Variants in USP7 observed in about 807,000 individuals in gnomAD.
USP7 encodes the protein ubiquitin specific peptidase 7.
A neutral mutation model predicts 162.9 loss-of-function variants in USP7; 9 were observed. The ratio of observed to expected loss-of-function variants is 0.06; its 90% CI spans 0.03 to 0.10. The LOEUF (loss-of-function observed/expected upper bound fraction) is 0.10. Among genes scored for constraint, USP7 ranks in the 10% least tolerant of loss-of-function variants. The pLI, the probability that USP7 is intolerant of heterozygous loss-of-function variation, is 1.00. For missense variants in USP7, 715 were observed against 1,373.7 expected (o/e 0.52, Z 7.58); for synonymous variants, 562 against 475.9 (o/e 1.18, Z -2.35).
intron 1 of USP7, among the ~76,000 whole-genome samples, chr16:8,950,071 T>C (rs914542878): frequency 2.0e-5 from 3 of 152,364 alleles, no homozygotes; most frequent in Non-Finnish European, 2.9e-5. Flanking sequence ...GACAGAGGAA[T>C]TGGTATTATT....
chr16:8,901,034 C>G lies in USP7; in HGVS notation c.2164G>C (p.Asp722His), dbSNP rs1249024986. The G allele has an allele frequency of 6.2e-7, 1 of 1,614,090 alleles. No homozygotes were observed. Among genetic ancestry groups the G allele is most frequent in the Non-Finnish European group, 8.5e-7 (1 of 1,179,986 alleles). The stretch of plus-strand genomic sequence containing the variant: ...GTATCTTGAATAAATCCTGCTCTGT[C>G]ACACATAACTGGGAGCAAGTCACCT... ...KIRDLLPVMCDRAGFIQDTSL... is the reference protein window; with the variant it reads ...KIRDLLPVMCHRAGFIQDTSL... Residue 722 changes from aspartate to histidine, a missense_variant, in exon 20 of 31, where the codon GAC (aspartate) becomes CAC (histidine). Around this residue, in one of 11 missense-constraint regions of USP7, gnomAD observed 197 missense variants for 306.5 expected, o/e 0.64. Coordinates refer to ENST00000344836, the MANE Select transcript of USP7 (RefSeq NM_003470.3).
At chr16:8,911,918 C>T (rs979921603) in intron 10 of USP7, among the ~76,000 whole-genome samples, 1 of 152,152 alleles carries the variant, frequency 6.6e-6, no homozygotes, top group African/African-American at 2.4e-5. Context: ...TTCCCACCAG[C>T]CACCGTGGAA....
At chr16:8,910,236 G>A (rs958829332) in intron 11 of USP7, among the ~76,000 whole-genome samples, 13 of 152,226 alleles carry the variant, frequency 8.5e-5, no homozygotes, top group South Asian at 4.2e-4. Context: ...TCATCCAAGC[G>A]GGGGCTGGCC....
chr16:8,934,628 G>A (rs1048370516), intron 1 of USP7, among the ~76,000 whole-genome samples: 2 of 152,254 alleles, frequency 1.3e-5, no homozygotes, highest in Non-Finnish European at 2.9e-5. Flanking sequence ...GAGGTCTGCG[G>A]TTGCAGCAGA....
At chr16:8,902,619 G>C (rs1192547479) in intron 16 of USP7, 137 bp from the exon 17 acceptor site, 3 of 765,330 alleles carry the variant, frequency 3.9e-6, no homozygotes, top group Non-Finnish European at 5.9e-6. Flanking sequence ...GCCAGGTGCT[G>C]TGGCTCTCGC....
intron 21 of USP7, 185 bp from the exon 22 acceptor site, chr16:8,899,942 G>A (rs969351723): frequency 8.7e-6 from 6 of 693,192 alleles, no homozygotes; most frequent in Non-Finnish European, 1.5e-5. Context: ...AAGTATGCAT[G>A]GGGATGCACT....
Position 8,959,823 on chromosome 16 carries a change from C to CA in USP7, c.79+3383dup, listed in dbSNP as rs151108474. Among the ~76,000 whole-genome samples the CA allele has an allele frequency of 6.5e-3, 987 of 152,202 alleles. 10 individuals carry two copies. The highest frequency in any genetic ancestry group is 0.023 in the African/African-American group (948 of 41,526). ...AAGAAACCCACCACCACCCCCGTAA[C>CA]AAAAAACACAGAAGCCTAGATCAGA... On this transcript the variant is annotated intron_variant, in intron 1 of 30. Coordinates refer to ENST00000344836, the MANE Select transcript of USP7 (RefSeq NM_003470.3).
intron 1 of USP7, among the ~76,000 whole-genome samples, chr16:8,959,888 G>A (rs926040404): frequency 6.6e-6 from 1 of 152,198 alleles, no homozygotes; most frequent in Non-Finnish European, 1.5e-5. Context: ...AATAGCAGCA[G>A]TCTAAGTGTC....
chr16:8,899,971 T>C, intron 21 of USP7: 2 of 617,450 alleles, frequency 3.2e-6, no homozygotes, highest in Non-Finnish European at 5.7e-6. Flanking sequence ...CGCAATGTAG[T>C]GGCTTTACAT....
intron 1 of USP7, among the ~76,000 whole-genome samples, chr16:8,959,607 A>G (rs1899931389): frequency 6.6e-6 from 1 of 152,222 alleles, no homozygotes; most frequent in Non-Finnish European, 1.5e-5. Flanking sequence ...TTATCTTAGC[A>G]ACAGAAGCCA....
chr16:8,898,114 T>A (rs1395438431), intron 25 of USP7, among the ~76,000 whole-genome samples: 5 of 152,026 alleles, frequency 3.3e-5, no homozygotes, highest in Non-Finnish European at 7.4e-5. Context: ...AGCATCACAG[T>A]GGGACCCAGA....
Position 8,919,046 on chromosome 16 carries a change from C to G in USP7, c.705G>C (p.Thr235=). The change falls in exon 6 of 31, where the codon ACG becomes ACC. Residue 235 remains threonine (T), a synonymous_variant. Transcript: ENST00000344836. ...ATCCATTTACCTTTCGTAGCTGATT[C>G]GTGAAAAATAACGTCTGTAGCAGGC... The part of the protein sequence containing the change: ...MNSLLQTLFF[T]NQLRKAVYMM... 6.2e-7 allele frequency: 1 copy of G among 1,613,626 alleles called. No homozygotes were observed. The highest frequency in any genetic ancestry group is 8.5e-7 in the Non-Finnish European group (1 of 1,179,978).
intron 25 of USP7, among the ~76,000 whole-genome samples, chr16:8,897,709 A>C (rs1371339102): frequency 3.0e-4 from 12 of 39,562 alleles, no homozygotes; most frequent in South Asian, 1.3e-3. Context: ...AAAAAAAAAA[A>C]AAAAAAAAAA....
Position 8,962,660 on chromosome 16 carries a change from G to A in USP7, c.79+547C>T, listed in dbSNP as rs138945109. ...AGAACTCTGGGCCAGTCCAAAACCT[G>A]ACAACATCTGCGTTCCTTGCAGGTA... On this transcript the variant is annotated intron_variant, in intron 1 of 30. Transcript: ENST00000344836. 2.7e-3 allele frequency: 578 copies of A among 211,614 alleles called. 8 individuals are homozygous for A. The highest frequency in any genetic ancestry group is 0.013 in the African/African-American group (550 of 43,892). The allele number at this position is 211,614 out of a possible 1,614,324, so 13.1% of individuals were successfully genotyped here. A position where few individuals can be genotyped will look rare whatever the true frequency, so the allele number is the denominator to read the frequency against.
chr16:8,908,210 C>T, intron 12 of USP7, 131 bp downstream of exon 12: 1 of 764,734 alleles, frequency 1.3e-6, no homozygotes, highest in Non-Finnish European at 2.2e-6. Context: ...TCTTGGGACA[C>T]AGAGGTAGAA....
chr16:8,930,338 C>A lies in USP7; in HGVS notation c.139G>T (p.Ala47Ser). Reference sequence around the variant, plus strand: ...GCGGTGTTGTGTCCATCACTCAGGGCCACATTCCCATTGATCACAGGGTTC... The same window carrying A: ...GCGGTGTTGTGTCCATCACTCAGGGACACATTCCCATTGATCACAGGGTTC... ...TQNPVINGNV[A>S]LSDGHNTAEE... is the part of the protein sequence containing the mutation. The change falls in exon 2 of 31, where the codon GCC becomes TCC. Residue 47 changes from alanine to serine, a missense_variant. This residue lies in a region of USP7 where 137 missense variants were observed against 123.5 expected (regional missense o/e 1.11). Transcript: ENST00000344836. The A allele has an allele frequency of 6.2e-7, 1 of 1,613,720 alleles. No homozygotes were observed. The highest frequency in any genetic ancestry group is 2.2e-5 in the East Asian group (1 of 44,860).
chr16:8,912,720 C>A (rs561740086), intron 10 of USP7, among the ~76,000 whole-genome samples: 1 of 151,252 alleles, frequency 6.6e-6, no homozygotes, highest in African/African-American at 2.4e-5. Flanking sequence ...ACAGGACCTC[C>A]GAGACTAGCC....
chr16:8,946,462 T>C (rs2248797), intron 1 of USP7, among the ~76,000 whole-genome samples: 96,013 of 152,094 alleles, frequency 0.63, 33,268 homozygotes, highest in East Asian at 0.88. Context: ...GAAAGACTTA[T>C]GCTCCAGAAA....
At chr16:8,905,582 C>T (rs1404523328) in intron 13 of USP7, among the ~76,000 whole-genome samples, 3 of 152,224 alleles carry the variant, frequency 2.0e-5, no homozygotes, top group African/African-American at 4.8e-5. Flanking sequence ...TGCTACCATT[C>T]GCCCAATGGC....
Sources: allele counts gnomAD v4.1 joint callset (sites outside exome capture counted in the v4.1 genomes callset), GRCh38; gene constraint gnomAD v4.1.1; regional missense constraint gnomAD v4.1.1; transcripts MANE v1.5; gene names NCBI Gene and HGNC (gene_info 2026-07-23, HGNC 2026-07-21).